HDGFL2: variants seen among roughly 807,000 people sequenced by gnomAD.
HDGFL2 encodes the protein hepatoma-derived growth factor-related protein 2.
Under a neutral mutation model 77.1 loss-of-function variants are expected in HDGFL2, and 36 were observed. The ratio of observed to expected loss-of-function variants is 0.47; its 90% CI spans 0.36 to 0.62. HDGFL2 has a LOEUF of 0.62. Among genes scored for constraint, HDGFL2 ranks in the 20% least tolerant of loss-of-function variants. The probability of loss-of-function intolerance (pLI) is 0.00; values close to 1 mark genes in which losing one functional copy is unlikely to be tolerated. For missense variants in HDGFL2, 976 were observed against 973.4 expected, an observed-to-expected ratio of 1.00 and a Z score of -0.04; for synonymous variants, 463 against 413.1, an observed-to-expected ratio of 1.12 and a Z score of -1.46.
intron 3 of HDGFL2, among the ~76,000 whole-genome samples, chr19:4,478,079 C>CAA (rs1160351990): frequency 0.13 from 10,291 of 78,306 alleles, 639 homozygotes; most frequent in South Asian, 0.24. Flanking sequence ...GACTCTGTCT[C>CAA]AAAAAAAAAA....
Position 4,491,824 on chromosome 19 carries a change from C to G in HDGFL2, c.667C>G (p.Arg223Gly), listed in dbSNP as rs369359811. The change falls in exon 6 of 16, where the codon CGG becomes GGG. Residue 223 changes from arginine to glycine, a missense_variant. Around this residue, in one of 5 missense-constraint regions of HDGFL2, gnomAD observed 567 missense variants for 534.7 expected, o/e 1.06. Coordinates refer to ENST00000616600, the MANE Select transcript of HDGFL2 (RefSeq NM_001001520.3). ...RAPRRGPLGG[R>G]KKKKAPSASD... The stretch of plus-strand genomic sequence containing the variant: ...GCCACGGAGGGGCCCTCTGGGGGGA[C>G]GGAAAAAAAAGGTAGCGTGCACTTG... 1.2e-6 allele frequency: 2 copies of G among 1,612,994 alleles called. No homozygotes were observed. The highest frequency in any genetic ancestry group is 1.7e-6 in the Non-Finnish European group (2 of 1,179,632).
At chr19:4,497,878 G>A in intron 10 of HDGFL2, 80 bp from the exon 11 acceptor site, 1 of 1,294,710 alleles carries the variant, frequency 7.7e-7, no homozygotes, top group Admixed American at 2.1e-5. Context: ...AGTGGGTTTG[G>A]GTCCACCCCT....
chr19:4,498,144 C>T (rs2145213938), intron 11 of HDGFL2, 113 bp downstream of exon 11: 7 of 1,228,390 alleles, frequency 5.7e-6, no homozygotes, highest in Non-Finnish European at 8.1e-6. Context: ...TCAGCACATC[C>T]TCGGCCGGCC....
intron 3 of HDGFL2, among the ~76,000 whole-genome samples, chr19:4,475,867 C>T (rs887576866): frequency 1.3e-4 from 20 of 151,212 alleles, no homozygotes; most frequent in Non-Finnish European, 2.4e-4. Flanking sequence ...GCGAGAACCC[C>T]TGCTGTAGAA....
chr19:4,482,862 C>T (rs1203147026), intron 3 of HDGFL2, among the ~76,000 whole-genome samples: 1 of 152,146 alleles, frequency 6.6e-6, no homozygotes, highest in African/African-American at 2.4e-5. Flanking sequence ...GTTCGTGGCA[C>T]TCACCAGCTC....
At chr19:4,487,693 G>A (rs980987313) in intron 3 of HDGFL2, among the ~76,000 whole-genome samples, 1 of 152,176 alleles carries the variant, frequency 6.6e-6, no homozygotes, top group African/African-American at 2.4e-5. Context: ...GAGATGCCAC[G>A]GTCACTTCTG....
intron 3 of HDGFL2, among the ~76,000 whole-genome samples, chr19:4,486,953 A>G (rs1975377830): frequency 6.6e-6 from 1 of 150,970 alleles, no homozygotes; most frequent in Admixed American, 6.6e-5. Context: ...CCCAGTGCTA[A>G]ACACTCTCCT....
intron 10 of HDGFL2, chr19:4,497,399 G>A (rs796723580): frequency 7.9e-5 from 24 of 304,906 alleles, no homozygotes; most frequent in South Asian, 3.0e-4. Flanking sequence ...GGGCTTCACC[G>A]TGTTGGCCAG....
At chr19:4,489,044 C>T (rs934117538) in intron 4 of HDGFL2, among the ~76,000 whole-genome samples, 168 bp downstream of exon 4, 1 of 151,508 alleles carries the variant, frequency 6.6e-6, no homozygotes, top group Non-Finnish European at 1.5e-5. Context: ...ACCTCCGCCT[C>T]CCAGGTTCAA....
chr19:4,494,004 G>T lies in HDGFL2; in HGVS notation c.861G>T (p.Pro287=). ...TAGCGGAGAAGCCTCTCCCGAAGCC[G>T]CGAGGGCGGAAACCGAAGCCTGAAC... is the stretch of plus-strand genomic sequence containing the variant. ...RKPAEKPLPK[P]RGRKPKPERP... Residue 287 remains proline, a synonymous_variant, in exon 8 of 16, where the codon CCG becomes CCT. Transcript: ENST00000616600. The T allele has an allele frequency of 1.2e-6, 2 of 1,611,440 alleles. No homozygotes were observed. The highest frequency in any genetic ancestry group is 1.7e-6 in the Non-Finnish European group (2 of 1,179,210).
At chr19:4,480,253 C>A (rs779357110) in intron 3 of HDGFL2, among the ~76,000 whole-genome samples, 1 of 152,176 alleles carries the variant, frequency 6.6e-6, no homozygotes, top group Non-Finnish European at 1.5e-5. Context: ...AGCTTGTGAG[C>A]AACAGAGCTG....
intron 1 of HDGFL2, among the ~76,000 whole-genome samples, chr19:4,474,338 G>C (rs985958483): frequency 6.6e-6 from 1 of 152,174 alleles, no homozygotes; most frequent in East Asian, 1.9e-4. Flanking sequence ...AAGCGGGGCT[G>C]TGAGGCATGC....
chr19:4,497,690 G>A, intron 10 of HDGFL2: 1 of 516,020 alleles, frequency 1.9e-6, no homozygotes, highest in South Asian at 2.3e-5. Flanking sequence ...CCAGCCCTTG[G>A]CCATGTGAAC....
At chr19:4,492,465 G>A (rs1294348129) in intron 6 of HDGFL2, among the ~76,000 whole-genome samples, 1 of 151,978 alleles carries the variant, frequency 6.6e-6, no homozygotes, top group African/African-American at 2.4e-5. Context: ...TGGTGCCTGT[G>A]TGTGTGCCTG....
chr19:4,498,074 A>G (rs1317903071), intron 11 of HDGFL2, 43 bp downstream of exon 11: 2 of 1,506,632 alleles, frequency 1.3e-6, no homozygotes, highest in Non-Finnish European at 1.8e-6. Context: ...GAGTTCACTG[A>G]GGGGAACGGG....
At chr19:4,497,900 C>T (rs988225141) in intron 10 of HDGFL2, 58 bp from the exon 11 acceptor site, 54 of 1,456,898 alleles carry the variant, frequency 3.7e-5, no homozygotes, top group Middle Eastern at 1.7e-4. Flanking sequence ...CAGGCGCCAG[C>T]CCCTCAGTGG....
intron 13 of HDGFL2, 65 bp downstream of exon 13, chr19:4,498,980 G>C: frequency 8.6e-7 from 1 of 1,159,410 alleles, no homozygotes; most frequent in Non-Finnish European, 1.3e-6. Flanking sequence ...GCCTGCCCGG[G>C]AGCCCAGGCC....
intron 14 of HDGFL2, among the ~76,000 whole-genome samples, chr19:4,500,540 A>C (rs1361397315): frequency 6.7e-6 from 1 of 149,282 alleles, no homozygotes; most frequent in Non-Finnish European, 1.5e-5. Context: ...GGCTCACTGC[A>C]AGCTCCGCCT....
intron 3 of HDGFL2, among the ~76,000 whole-genome samples, chr19:4,476,570 T>C (rs1423206426): frequency 2.0e-5 from 3 of 151,444 alleles, no homozygotes; most frequent in African/African-American, 7.3e-5. Flanking sequence ...TTTTTTTCTT[T>C]TGAGAAGAGC....
Sources: allele counts gnomAD v4.1 joint callset (sites outside exome capture counted in the v4.1 genomes callset), GRCh38; gene constraint gnomAD v4.1.1; regional missense constraint gnomAD v4.1.1; transcripts MANE v1.5; gene names NCBI Gene and HGNC (gene_info 2026-07-23, HGNC 2026-07-21).